The following PCNT variants were observed in gnomAD, a reference collection of about 807,000 sequenced individuals.
PCNT encodes the protein kendrin.
Under a neutral mutation model 380.4 loss-of-function variants are expected in PCNT, and 319 were observed. That is an observed-to-expected ratio of 0.84 (90% CI 0.77 to 0.92). PCNT has a LOEUF of 0.92. PCNT is among the 40% of genes least tolerant of loss of function. PCNT has a pLI of 0.00. For synonymous variants in PCNT, 1,845 were observed against 1,735.2 expected (o/e 1.06, Z -1.57); for missense variants, 4,400 against 4,255.3 (o/e 1.03, Z -0.95).
intron 19 of PCNT, 41 bp from the exon 20 acceptor site, chr21:46,390,629 T>C: frequency 1.2e-6 from 2 of 1,607,178 alleles, no homozygotes; most frequent in Non-Finnish European, 1.7e-6. Flanking sequence ...GCTTCAGTTA[T>C]TTTTGATCTG....
chr21:46,324,360 T>C lies in PCNT; in HGVS notation c.54+78T>C. The C allele has an allele frequency of 9.7e-6, 12 of 1,231,964 alleles. 1 individual carries two copies. In the South Asian group the frequency reaches 1.5e-4, roughly 16 times the overall value. 76.3% of individuals were successfully genotyped at this position (1,231,964 alleles called of 1,614,324 possible). On this transcript the variant is annotated intron_variant, in intron 1 of 46. Coordinates refer to ENST00000359568, the MANE Select transcript of PCNT (RefSeq NM_006031.6). ...GGCTCCGGTGCCCGCCACCGCCCCCTGCCAGGAGAGGACGCGGTCCGGCGG... is the reference window on the plus strand; with the variant it reads ...GGCTCCGGTGCCCGCCACCGCCCCCCGCCAGGAGAGGACGCGGTCCGGCGG...
chr21:46,407,095 T>G (rs2086641896), intron 27 of PCNT, among the ~76,000 whole-genome samples: 1 of 152,244 alleles, frequency 6.6e-6, no homozygotes, highest in Admixed American at 6.5e-5. Flanking sequence ...GGGAATTTTT[T>G]CACTTTCTTT....
intron 38 of PCNT, among the ~76,000 whole-genome samples, chr21:46,432,916 C>T (rs985220596): frequency 1.3e-5 from 2 of 152,212 alleles, no homozygotes; most frequent in African/African-American, 2.4e-5. Context: ...CCACCACACT[C>T]GGCTGTTTAC....
chr21:46,422,270 G>C, intron 32 of PCNT, 146 bp downstream of exon 32: 1 of 1,084,526 alleles, frequency 9.2e-7, no homozygotes, highest in Non-Finnish European at 1.4e-6. Context: ...AATGACTCAC[G>C]GGAGGCAGCC....
intron 3 of PCNT, among the ~76,000 whole-genome samples, chr21:46,343,833 T>C (rs932207677): frequency 6.6e-6 from 1 of 152,198 alleles, no homozygotes; most frequent in African/African-American, 2.4e-5. Context: ...TGTTTCTTCC[T>C]GGTCTAATCT....
At chr21:46,336,267 A>G (rs780037486) in intron 3 of PCNT, among the ~76,000 whole-genome samples, 4 of 152,226 alleles carry the variant, frequency 2.6e-5, no homozygotes, top group Non-Finnish European at 4.4e-5. Context: ...GTGAGCCACT[A>G]TGCAGGCCAA....
At chr21:46,434,782 G>A (rs1021059097) in intron 38 of PCNT, among the ~76,000 whole-genome samples, 4 of 152,248 alleles carry the variant, frequency 2.6e-5, no homozygotes, top group Non-Finnish European at 5.9e-5. Context: ...AGGCTCATAC[G>A]TGTGTGCATG....
chr21:46,421,408 G>A (rs995833342), intron 31 of PCNT, among the ~76,000 whole-genome samples: 2 of 152,132 alleles, frequency 1.3e-5, no homozygotes, highest in African/African-American at 4.8e-5. Context: ...CCCCCTCCCT[G>A]TGGGCTGGCG....
At position 46,357,027 on chromosome 21, in the gene PCNT, A is replaced by C. The variant is rs1310982443; in HGVS notation, c.1990A>C (p.Thr664Pro). 1 of 1,614,146 alleles carries C rather than the reference A, an allele frequency of 6.2e-7. No homozygotes were observed. Among genetic ancestry groups the C allele is most frequent in the African/African-American group, 1.3e-5 (1 of 74,954 alleles). ...GVQDGDLEAD[T>P]ERAARVLGLE... Reference sequence around the variant, plus strand: ...GCAGGACGGGGACTTGGAGGCCGACACAGAGCGGGCAGCCAGAGTCTTGGG... The same window carrying C: ...GCAGGACGGGGACTTGGAGGCCGACCCAGAGCGGGCAGCCAGAGTCTTGGG... The change falls in exon 13 of 47, where the codon ACA (threonine) becomes CCA (proline). Residue 664 changes from threonine (T) to proline (P), a missense_variant. Coordinates refer to ENST00000359568, the MANE Select transcript of PCNT (RefSeq NM_006031.6).
At position 46,384,579 on chromosome 21, in the gene PCNT, T is replaced by A. The variant is rs548086837; in HGVS notation, c.3313-1253T>A. Among the ~76,000 whole-genome samples, 2 of 141,622 alleles carry A rather than the reference T, an allele frequency of 1.4e-5. 1 individual carries two copies. The highest frequency in any genetic ancestry group is 5.0e-4 in the South Asian group (2 of 4,022). The allele number at this position is 141,622 out of a possible 152,430, so 92.9% of individuals were successfully genotyped here. The stretch of plus-strand genomic sequence containing the variant: ...ATTCACGGTGTTGTGCATTCAGTGG[T>A]GGAAGCCCATTCACAGTGCTGTACA... On this transcript the variant is annotated intron_variant, in intron 16 of 46. Coordinates refer to ENST00000359568, the MANE Select transcript of PCNT (RefSeq NM_006031.6).
chr21:46,393,354 A>G (rs2086098762), intron 21 of PCNT, among the ~76,000 whole-genome samples: 1 of 152,144 alleles, frequency 6.6e-6, no homozygotes, highest in South Asian at 2.1e-4. Context: ...GACGTCCTGC[A>G]TCGCTCTCAG....
chr21:46,361,256 T>G (rs1569198576), intron 13 of PCNT, among the ~76,000 whole-genome samples: 1 of 152,092 alleles, frequency 6.6e-6, no homozygotes, highest in Non-Finnish European at 1.5e-5. Flanking sequence ...GCGAGTATGG[T>G]GGTGCATGCC....
intron 5 of PCNT, among the ~76,000 whole-genome samples, 165 bp downstream of exon 5, chr21:46,347,163 G>A (rs2084099831): frequency 6.6e-6 from 1 of 152,226 alleles, no homozygotes; most frequent in Admixed American, 6.5e-5. Context: ...GTGAACAAAG[G>A]GGGCCCTTGG....
chr21:46,353,715 G>GGTGTGTGTGTGTGTGT (rs72175446), intron 10 of PCNT, among the ~76,000 whole-genome samples: 52 of 129,042 alleles, frequency 4.0e-4, no homozygotes, highest in African/African-American at 1.4e-3. Context: ...CTCTCCTCCA[G>GGTGTGTGTGTGTGTGT]GTGTGTGTGT....
chr21:46,415,097 G>C (rs569156009), intron 29 of PCNT, among the ~76,000 whole-genome samples: 22 of 152,342 alleles, frequency 1.4e-4, no homozygotes, highest in African/African-American at 5.1e-4. Context: ...TGTCCCGCAC[G>C]TCGCTGGGAC....
intron 13 of PCNT, among the ~76,000 whole-genome samples, chr21:46,360,952 G>A (rs1010554092): frequency 4.6e-5 from 7 of 152,182 alleles, no homozygotes; most frequent in African/African-American, 1.7e-4. Flanking sequence ...TGTGAGATGC[G>A]TCTGGTGGTC....
At chr21:46,424,413 AC>A (rs937851356) in intron 32 of PCNT, among the ~76,000 whole-genome samples, 4 of 151,146 alleles carry the variant, frequency 2.6e-5, no homozygotes, top group African/African-American at 9.8e-5. Flanking sequence ...TGTCTGTGGG[AC>A]CCCCCAGGCT....
intron 12 of PCNT, 132 bp from the exon 13 acceptor site, chr21:46,356,842 G>A: frequency 1.3e-6 from 1 of 754,796 alleles, no homozygotes; most frequent in Non-Finnish European, 2.3e-6. Flanking sequence ...CACTGAGTCA[G>A]CACAGAGCTT....
intron 43 of PCNT, among the ~76,000 whole-genome samples, 178 bp from the exon 44 acceptor site, chr21:46,442,319 T>TG (rs1316533676): frequency 6.6e-6 from 1 of 151,976 alleles, no homozygotes; most frequent in Non-Finnish European, 1.5e-5. Flanking sequence ...GCGAGCACTT[T>TG]GGATGTGTGC....
Sources: gnomAD v4.1 joint callset for allele counts (sites outside exome capture counted in the v4.1 genomes callset) on GRCh38, gnomAD v4.1.1 for gene constraint, MANE v1.5 for transcripts, NCBI Gene and HGNC (gene_info 2026-07-23, HGNC 2026-07-21) for gene names.